The following RTN4RL1 variants were observed in gnomAD, a reference collection of about 807,000 sequenced individuals.
The protein encoded by RTN4RL1 is reticulon-4 receptor-like 1.
Under a neutral mutation model 25.6 loss-of-function variants are expected in RTN4RL1, and 7 were observed. The ratio of observed to expected loss-of-function variants is 0.27; its 90% CI spans 0.16 to 0.51. The LOEUF is 0.51. Ranked by LOEUF, RTN4RL1 falls within the 20% of genes least tolerant of loss-of-function variation. The probability of loss-of-function intolerance (pLI) is 0.97; values close to 1 mark genes in which losing one functional copy is unlikely to be tolerated. For synonymous variants in RTN4RL1, 297 were observed against 288.2 expected, an observed-to-expected ratio of 1.03 and a Z score of -0.31; for missense variants, 500 against 615.6, an observed-to-expected ratio of 0.81 and a Z score of 1.99.
intron 1 of RTN4RL1, among the ~76,000 whole-genome samples, chr17:2,010,711 T>C (rs4239069): frequency 0.35 from 53,087 of 151,688 alleles, 9,616 homozygotes; most frequent in East Asian, 0.55. Flanking sequence ...GCACACACCA[T>C]CATGCCTGGC....
chr17:2,014,966 C>T (rs1202151217), intron 1 of RTN4RL1, among the ~76,000 whole-genome samples: 3 of 152,074 alleles, frequency 2.0e-5, no homozygotes, highest in African/African-American at 7.2e-5. Context: ...CATGGCAGGC[C>T]ATTCCCTGAT....
chr17:2,019,415 C>G (rs568918424), intron 1 of RTN4RL1: 1 of 152,454 alleles, frequency 6.6e-6, no homozygotes, highest in African/African-American at 2.4e-5. Flanking sequence ...CCTGGCCCTC[C>G]TTCTCATCTC....
At chr17:1,969,009 C>A (rs2066805746) in intron 1 of RTN4RL1, among the ~76,000 whole-genome samples, 1 of 151,164 alleles carries the variant, frequency 6.6e-6, no homozygotes, top group Non-Finnish European at 1.5e-5. Context: ...CCCAGGAAGC[C>A]AATCTGCTGT....
At chr17:1,976,621 C>T (rs975488774) in intron 1 of RTN4RL1, among the ~76,000 whole-genome samples, 3 of 152,124 alleles carry the variant, frequency 2.0e-5, no homozygotes, top group Admixed American at 2.0e-4. Flanking sequence ...GTTGGGAGGC[C>T]GTGCAGTTTA....
chr17:1,973,257 T>C (rs1404594125), intron 1 of RTN4RL1, among the ~76,000 whole-genome samples: 1 of 151,804 alleles, frequency 6.6e-6, no homozygotes, highest in East Asian at 1.9e-4. Context: ...CCCAGCTTCT[T>C]GGGAGGCTGA....
At chr17:1,987,623 T>A (rs2066892471) in intron 1 of RTN4RL1, among the ~76,000 whole-genome samples, 1 of 152,070 alleles carries the variant, frequency 6.6e-6, no homozygotes, top group East Asian at 1.9e-4. Flanking sequence ...TCTGGCCATT[T>A]CCAAGGGTCC....
chr17:1,942,731 G>A (rs4265862), intron 1 of RTN4RL1, among the ~76,000 whole-genome samples: 13,015 of 152,116 alleles, frequency 0.086, 1,034 homozygotes, highest in African/African-American at 0.21. Flanking sequence ...CAGCTCAGGC[G>A]GGTGGCCTGA....
chr17:1,984,574 T>A (rs2066880123), intron 1 of RTN4RL1, among the ~76,000 whole-genome samples: 1 of 152,216 alleles, frequency 6.6e-6, no homozygotes, highest in African/African-American at 2.4e-5. Context: ...TACTGAGCTT[T>A]GTATGAGATG....
At chr17:1,992,448 G>C (rs2066913635) in intron 1 of RTN4RL1, among the ~76,000 whole-genome samples, 1 of 152,104 alleles carries the variant, frequency 6.6e-6, no homozygotes, top group African/African-American at 2.4e-5. Flanking sequence ...TGGGGACTCA[G>C]TTGGGGACAA....
chr17:1,973,712 A>G (rs1216293373), intron 1 of RTN4RL1, among the ~76,000 whole-genome samples: 1 of 152,048 alleles, frequency 6.6e-6, no homozygotes, highest in African/African-American at 2.4e-5. Flanking sequence ...CTTGAGGGAC[A>G]AGGTTACACT....
chr17:1,937,384 G>A lies in RTN4RL1; in HGVS notation c.438C>T (p.Gly146=), dbSNP rs771569249. The change falls in exon 2 of 2, where the codon GGC becomes GGT. Residue 146 remains glycine, a synonymous_variant. Coordinates refer to ENST00000331238, the MANE Select transcript of RTN4RL1 (RefSeq NM_178568.4). ...AGAGGTACTGCAGGCTGTGCAGGCC[G>A]CCAAAGACGCCGGCCGGCAAGGCGC... The part of the protein sequence containing the change: ...GLSALPAGVF[G]GLHSLQYLYL... 16 of 1,613,534 alleles carry A rather than the reference G, an allele frequency of 9.9e-6. No homozygotes were observed. The highest frequency in any genetic ancestry group is 1.6e-4 in the Middle Eastern group (1 of 6,084).
chr17:1,948,966 T>G (rs921727998), intron 1 of RTN4RL1, among the ~76,000 whole-genome samples: 3 of 149,528 alleles, frequency 2.0e-5, no homozygotes, highest in African/African-American at 4.9e-5. Context: ...CTAATTTTTG[T>G]TTTTTTTTGA....
At chr17:2,010,460 G>A (rs142658466) in intron 1 of RTN4RL1, among the ~76,000 whole-genome samples, 27 of 152,146 alleles carry the variant, frequency 1.8e-4, no homozygotes, top group Non-Finnish European at 3.4e-4. Flanking sequence ...CTGGGCTAGC[G>A]AGCAAGACTC....
At chr17:2,011,988 G>A (rs2067055754) in intron 1 of RTN4RL1, among the ~76,000 whole-genome samples, 1 of 152,142 alleles carries the variant, frequency 6.6e-6, no homozygotes, top group Admixed American at 6.6e-5. Flanking sequence ...TGGGAGGAGA[G>A]GAAGCAGTTC....
rs1179704746 is a variant in RTN4RL1, at chr17:2,016,731, G to A, written c.13+8122C>T. Among the ~76,000 whole-genome samples, 6 of 152,358 alleles carry A rather than the reference G, an allele frequency of 3.9e-5. No homozygotes were observed. In the East Asian group the frequency reaches 1.2e-3, roughly 29 times the overall value. On this transcript the variant is annotated intron_variant, in intron 1 of 1. Transcript: ENST00000331238. ...AGGCGGGCAGGCGGGAGGCCGGGCT[G>A]CAGCGCCAGAGCATAGCCATTGTCC... is the stretch of plus-strand genomic sequence containing the variant.
At chr17:2,019,554 G>C (rs1278174022) in intron 1 of RTN4RL1, 1 of 152,206 alleles carries the variant, frequency 6.6e-6, no homozygotes, top group Non-Finnish European at 1.5e-5. Context: ...CACTGGCCAG[G>C]GGCAAACACC....
intron 1 of RTN4RL1, among the ~76,000 whole-genome samples, chr17:1,965,579 C>T (rs1402689323): frequency 2.0e-5 from 3 of 152,120 alleles, no homozygotes; most frequent in Non-Finnish European, 4.4e-5. Context: ...AGTGGGCCCC[C>T]CTCTGAAACA....
At chr17:1,952,136 T>C (rs1000633410) in intron 1 of RTN4RL1, among the ~76,000 whole-genome samples, 1 of 151,700 alleles carries the variant, frequency 6.6e-6, no homozygotes, top group African/African-American at 2.4e-5. Context: ...AAACGACACA[T>C]GTCTCTCCTG....
intron 1 of RTN4RL1, among the ~76,000 whole-genome samples, chr17:2,015,907 G>A (rs1018730001): frequency 1.3e-5 from 2 of 152,152 alleles, no homozygotes; most frequent in African/African-American, 2.4e-5. Context: ...ACACCCAGTG[G>A]CTTCCTATAT....
Sources: gnomAD v4.1 joint callset for allele counts (sites outside exome capture counted in the v4.1 genomes callset) on GRCh38, gnomAD v4.1.1 for gene constraint, MANE v1.5 for transcripts, NCBI Gene and HGNC (gene_info 2026-07-23, HGNC 2026-07-21) for gene names.